Variants in LIFR observed in about 807,000 individuals in gnomAD.
LIFR encodes the protein LIF receptor subunit alpha, also known as leukemia inhibitory factor receptor.
Under a neutral mutation model 122.2 loss-of-function variants are expected in LIFR, and 84 were observed. That is an observed-to-expected ratio of 0.69 (90% CI 0.58 to 0.82). The LOEUF is 0.82. LIFR is among the 40% of genes least tolerant of loss of function. LIFR has a pLI of 0.00. For synonymous variants in LIFR, 422 were observed against 434.7 expected (o/e 0.97, Z 0.36); for missense variants, 1,294 against 1,311.6 (o/e 0.99, Z 0.21).
At chr5:38,520,611 A>G (rs1337796387) in intron 5 of LIFR, among the ~76,000 whole-genome samples, 4 of 152,136 alleles carry the variant, frequency 2.6e-5, no homozygotes, top group Admixed American at 6.5e-5. Flanking sequence ...TGATTTTTGT[A>G]TATGAGAGAC....
upstream of LIFR, among the ~76,000 whole-genome samples, chr5:38,595,917 C>T (rs1750085638): frequency 6.6e-6 from 1 of 151,696 alleles, no homozygotes; most frequent in Admixed American, 6.6e-5. Context: ...TGCATTTTTT[C>T]AGTAGAGACG....
chr5:38,527,380 A>G, intron 3 of LIFR, 86 bp from the exon 4 acceptor site: 1 of 838,126 alleles, frequency 1.2e-6, no homozygotes, highest in East Asian at 2.7e-5. Context: ...AATACAATGG[A>G]AAATACTTTA....
At chr5:38,565,429 C>T (rs892084310) in intron 1 of LIFR, among the ~76,000 whole-genome samples, 2 of 151,922 alleles carry the variant, frequency 1.3e-5, no homozygotes, top group Admixed American at 6.6e-5. Context: ...TATAAAGTCC[C>T]GGATGGTGAC....
At chr5:38,531,554 C>G (rs1747009405) in intron 1 of LIFR, among the ~76,000 whole-genome samples, 1 of 150,968 alleles carries the variant, frequency 6.6e-6, no homozygotes, top group Non-Finnish European at 1.5e-5. Flanking sequence ...CTATAAAAAA[C>G]TAGAGGATGC....
chr5:38,580,440 C>G (rs767155122), intron 1 of LIFR, among the ~76,000 whole-genome samples: 4 of 152,070 alleles, frequency 2.6e-5, no homozygotes, highest in Non-Finnish European at 4.4e-5. Context: ...GTTTCTCTGG[C>G]TCTTCCTCCT....
chr5:38,479,314 C>T lies in LIFR; in HGVS notation c.*2281G>A. The T allele has an allele frequency of 8.6e-6, 2 of 231,816 alleles. No homozygotes were observed. Among genetic ancestry groups the T allele is most frequent in the Non-Finnish European group, 1.7e-5 (2 of 117,118 alleles). 14.4% of individuals were successfully genotyped at this position (231,816 alleles called of 1,614,324 possible). A position where few individuals can be genotyped will look rare whatever the true frequency, so the allele number is the denominator to read the frequency against. On this transcript the variant is annotated 3_prime_UTR_variant, in exon 20 of 20. Transcript: ENST00000453190. Reference sequence around the variant, plus strand: ...TCTGCTTCTCATTAAGCTAGTGATCCTCGTGTAGGGGATCCAAAAGTAGGG... The same window carrying T: ...TCTGCTTCTCATTAAGCTAGTGATCTTCGTGTAGGGGATCCAAAAGTAGGG...
intron 1 of LIFR, among the ~76,000 whole-genome samples, chr5:38,547,030 C>T (rs1340146128): frequency 1.3e-5 from 2 of 152,266 alleles, no homozygotes; most frequent in South Asian, 2.1e-4. Context: ...GCAGCTCATA[C>T]AGTGTTTCTT....
At position 38,481,180 on chromosome 5, in the gene LIFR, T is replaced by C. The variant is rs1579990996; in HGVS notation, c.*415A>G. ...AGGCAAATAAACTTCACCTGTTACT[T>C]GGACATTTTCTCCCTGGCCTGCAAA... On this transcript the variant is annotated 3_prime_UTR_variant, in exon 20 of 20. Coordinates refer to ENST00000453190, the MANE Select transcript of LIFR (RefSeq NM_001127671.2). 1.4e-5 allele frequency: 4 copies of C among 278,630 alleles called. No individual in the cohort carries two copies. The highest frequency in any genetic ancestry group is 2.7e-5 in the Non-Finnish European group (4 of 145,938). The allele number at this position is 278,630 out of a possible 1,614,324, so 17.3% of individuals were successfully genotyped here.
upstream of LIFR, among the ~76,000 whole-genome samples, chr5:38,560,549 G>A (rs1174992990): frequency 6.6e-6 from 1 of 151,738 alleles, no homozygotes; most frequent in Non-Finnish European, 1.5e-5. Flanking sequence ...TATATCTCTA[G>A]CTTGGCCCCA....
upstream of LIFR, among the ~76,000 whole-genome samples, chr5:38,560,238 A>G (rs1177221529): frequency 6.6e-6 from 1 of 152,166 alleles, no homozygotes; most frequent in Non-Finnish European, 1.5e-5. Context: ...AATGAGTGAA[A>G]CTTTTTTTCA....
At chr5:38,581,818 G>T (rs1251290144) in intron 1 of LIFR, among the ~76,000 whole-genome samples, 1 of 152,190 alleles carries the variant, frequency 6.6e-6, no homozygotes, top group Non-Finnish European at 1.5e-5. Context: ...CTGTCACAGG[G>T]AGATGGAACA....
chr5:38,600,243 C>T (rs1750197859), upstream of LIFR, among the ~76,000 whole-genome samples: 1 of 152,164 alleles, frequency 6.6e-6, no homozygotes, highest in Admixed American at 6.5e-5. Context: ...ATGTTTCATG[C>T]TTCCCTAAAA....
chr5:38,568,958 G>GTGT (rs1749117429), intron 1 of LIFR, among the ~76,000 whole-genome samples: 1 of 152,222 alleles, frequency 6.6e-6, no homozygotes, highest in Non-Finnish European at 1.5e-5. Context: ...GAGCTGTGGT[G>GTGT]AGAGGTAGGG....
rs36222538 is a variant in LIFR at position 38,494,445 on chromosome 5, C to CCAAGGGG, written c.1886-667_1886-661dup. On this transcript the variant is annotated intron_variant, in intron 13 of 19. Coordinates refer to ENST00000453190, the MANE Select transcript of LIFR (RefSeq NM_001127671.2). Reference sequence around the variant, plus strand: ...AGTCTGCACAGCGTCCTAGGAGACACCAAGGGGCAAGGGGCAAGGGGCAAG... The same window carrying CCAAGGGG: ...AGTCTGCACAGCGTCCTAGGAGACACCAAGGGGCAAGGGGCAAGGGGCAAGGGGCAAG... Among the ~76,000 whole-genome samples the CCAAGGGG allele has an allele frequency of 4.4e-3, 662 of 150,874 alleles. 3 individuals carry two copies. Among genetic ancestry groups the CCAAGGGG allele is most frequent in the Non-Finnish European group, 5.4e-3 (369 of 67,722 alleles).
chr5:38,572,595 A>T (rs1749250057), intron 1 of LIFR, among the ~76,000 whole-genome samples: 1 of 152,190 alleles, frequency 6.6e-6, no homozygotes. Context: ...AGACATCTCC[A>T]GTCTATCCTA....
chr5:38,502,388 T>C lies in LIFR; in HGVS notation c.1600+249A>G, dbSNP rs148522416. The stretch of plus-strand genomic sequence containing the variant: ...TTCACTCCTGCCTCAGCCTCCCAAA[T>C]AGCTGGGGTTACAGGCATGCACCAC... On this transcript the variant is annotated intron_variant, in intron 11 of 19. Transcript: ENST00000453190. Among the ~76,000 whole-genome samples the C allele has an allele frequency of 6.1e-3, 933 of 152,158 alleles. 10 individuals carry two copies. Among genetic ancestry groups the C allele is most frequent in the African/African-American group, 0.021 (892 of 41,526 alleles).
chr5:38,499,792 C>T (rs1745082076), intron 11 of LIFR, among the ~76,000 whole-genome samples: 1 of 152,134 alleles, frequency 6.6e-6, no homozygotes, highest in Non-Finnish European at 1.5e-5. Flanking sequence ...AATCTACCTG[C>T]AGGCCAGCTG....
intron 1 of LIFR, among the ~76,000 whole-genome samples, chr5:38,566,607 T>A (rs546408495): frequency 1.1e-3 from 160 of 152,354 alleles, no homozygotes; most frequent in Non-Finnish European, 1.9e-3. Flanking sequence ...AACAGCTTTA[T>A]AAGTCACAGG....
At chr5:38,509,021 A>G (rs1745650810) in intron 7 of LIFR, among the ~76,000 whole-genome samples, 1 of 152,296 alleles carries the variant, frequency 6.6e-6, no homozygotes, top group African/African-American at 2.4e-5. Flanking sequence ...CTGAAGGGAG[A>G]TGTTACTGCT....
Sources: gnomAD v4.1 joint callset for allele counts (sites outside exome capture counted in the v4.1 genomes callset) on GRCh38, gnomAD v4.1.1 for gene constraint, MANE v1.5 for transcripts, NCBI Gene and HGNC (gene_info 2026-07-23, HGNC 2026-07-21) for gene names.